TRAF3: variants seen among roughly 807,000 people sequenced by gnomAD.
TRAF3 encodes the protein TNF receptor associated factor 3, also known as TNF receptor-associated factor 3.
In TRAF3, 13 loss-of-function variants were observed where a neutral mutation model predicts 62.3. The observed-to-expected ratio is 0.21, with a 90% CI of 0.14 to 0.33. The LOEUF is 0.33. TRAF3 is among the 10% of genes least tolerant of loss of function. The pLI is 1.00. For missense variants in TRAF3, 440 were observed against 741.8 expected (o/e 0.59, Z 4.73); for synonymous variants, 269 against 283.4 (o/e 0.95, Z 0.51).
chr14:102,875,784 A>AT, intron 5 of TRAF3, 56 bp downstream of exon 5: 2 of 1,457,920 alleles, frequency 1.4e-6, no homozygotes. Context: ...AGTCCCTTAC[A>AT]TCCAGCTGAT....
Position 102,903,902 on chromosome 14 carries a change from T to C in TRAF3, c.1135+473T>C. On this transcript the variant is annotated intron_variant, in intron 11 of 11. Transcript: ENST00000392745. The surrounding 1 kb of genome is among the most constrained non-coding windows in gnomAD (Gnocchi z 6.4). ...TTGGGGACTGAAAGAGTATTGGGAA[T>C]ATTTACATGAGGAGGATTAATGGCA... 1 of 415,722 alleles carries C rather than the reference T, an allele frequency of 2.4e-6. No homozygotes were observed. The highest frequency in any genetic ancestry group is 1.7e-5 in the South Asian group (1 of 59,060). 25.8% of individuals were successfully genotyped at this position (415,722 alleles called of 1,614,324 possible). A position where few individuals can be genotyped will look rare whatever the true frequency, so the allele number is the denominator to read the frequency against.
At chr14:102,786,453 C>T (rs1013103971) in intron 1 of TRAF3, among the ~76,000 whole-genome samples, 1 of 152,128 alleles carries the variant, frequency 6.6e-6, no homozygotes, top group Non-Finnish European at 1.5e-5. Flanking sequence ...ATTGGGAAGC[C>T]GAGGTGGGTG....
intron 1 of TRAF3, among the ~76,000 whole-genome samples, chr14:102,827,813 G>C (rs1199314284): frequency 6.6e-6 from 1 of 152,230 alleles, no homozygotes. Flanking sequence ...CAAGTGCTCT[G>C]ACCACGTAAT....
intron 2 of TRAF3, among the ~76,000 whole-genome samples, chr14:102,863,888 A>G (rs1461415455): frequency 6.6e-6 from 1 of 152,134 alleles, no homozygotes; most frequent in Non-Finnish European, 1.5e-5. Context: ...GGTCGAAACA[A>G]ACAACTGCAG....
chr14:102,850,373 G>C (rs905286349), intron 2 of TRAF3, among the ~76,000 whole-genome samples: 2 of 152,134 alleles, frequency 1.3e-5, no homozygotes, highest in African/African-American at 2.4e-5. Flanking sequence ...AAGTAATAGA[G>C]TAAAAATTCT....
At chr14:102,787,502 C>A (rs1362306012) in intron 1 of TRAF3, among the ~76,000 whole-genome samples, 5 of 151,020 alleles carry the variant, frequency 3.3e-5, no homozygotes, top group Non-Finnish European at 7.4e-5. Flanking sequence ...CATGGTAAAA[C>A]CCCATCTCTA....
chr14:102,788,752 C>A (rs1000163852), intron 1 of TRAF3, among the ~76,000 whole-genome samples: 2 of 152,088 alleles, frequency 1.3e-5, no homozygotes, highest in Admixed American at 1.3e-4. Flanking sequence ...GAGCTGAGAT[C>A]ACGCCACTGC....
chr14:102,812,185 T>C (rs1899223095), intron 1 of TRAF3, among the ~76,000 whole-genome samples: 1 of 152,102 alleles, frequency 6.6e-6, no homozygotes, highest in Non-Finnish European at 1.5e-5. Flanking sequence ...TCTAGTATCC[T>C]GTGTTTACTT....
At chr14:102,830,591 T>C (rs565325241) in intron 2 of TRAF3, 119 bp downstream of exon 2, 1 of 152,236 alleles carries the variant, frequency 6.6e-6, no homozygotes, top group South Asian at 2.1e-4. Flanking sequence ...AAAATTCTTG[T>C]CTTCCCTTCT....
intron 1 of TRAF3, among the ~76,000 whole-genome samples, chr14:102,820,028 C>T (rs1040301751): frequency 6.6e-6 from 1 of 152,190 alleles, no homozygotes; most frequent in Non-Finnish European, 1.5e-5. Context: ...CCTGCCCTCC[C>T]GTGTAGGGGG....
At chr14:102,867,428 G>A (rs1279755143) in intron 2 of TRAF3, among the ~76,000 whole-genome samples, 4 of 152,148 alleles carry the variant, frequency 2.6e-5, no homozygotes, top group Admixed American at 6.5e-5. Context: ...GACGCATCCT[G>A]GAGAAACTTA....
chr14:102,841,022 T>G (rs1462394274), intron 2 of TRAF3, among the ~76,000 whole-genome samples: 1 of 152,220 alleles, frequency 6.6e-6, no homozygotes. Flanking sequence ...CTGTGCCTGC[T>G]TTCATCCTAA....
intron 6 of TRAF3, among the ~76,000 whole-genome samples, chr14:102,880,507 G>T (rs1333266488): frequency 1.3e-5 from 2 of 152,238 alleles, no homozygotes; most frequent in Admixed American, 6.5e-5. Flanking sequence ...TACACTGTTG[G>T]TGGGAGTGTA....
intron 2 of TRAF3, among the ~76,000 whole-genome samples, chr14:102,844,622 G>A (rs567488908): frequency 6.6e-6 from 1 of 152,330 alleles, no homozygotes; most frequent in South Asian, 2.1e-4. Context: ...AAGGATCAGG[G>A]TGCAGGAACC....
chr14:102,795,619 T>TGTGTGTGTGC lies in TRAF3; in HGVS notation c.-157+17945_-157+17946insTGTGTGTGCG, dbSNP rs767401587. ...ATATATGTGTGTGTGTGTGTGTGTG[T>TGTGTGTGTGC]GCATAGTTTTCATCCATTGTTTCTG... is the stretch of plus-strand genomic sequence containing the variant. On this transcript the variant is annotated intron_variant, in intron 1 of 11. Coordinates refer to ENST00000392745, the MANE Select transcript of TRAF3 (RefSeq NM_145725.3). 7.2e-3 allele frequency among the ~76,000 whole-genome samples: 1,095 copies of TGTGTGTGTGC among 151,942 alleles called. 6 individuals carry two copies. Among genetic ancestry groups the TGTGTGTGTGC allele is most frequent in the Non-Finnish European group, 0.01 (687 of 67,962 alleles).
chr14:102,898,713 A>C (rs1890125964), intron 10 of TRAF3, among the ~76,000 whole-genome samples: 1 of 152,242 alleles, frequency 6.6e-6, no homozygotes. Flanking sequence ...GCCCCATCCC[A>C]AACCTCACAT....
chr14:102,879,479 A>G (rs1461236590), intron 6 of TRAF3, among the ~76,000 whole-genome samples: 1 of 151,890 alleles, frequency 6.6e-6, no homozygotes, highest in Non-Finnish European at 1.5e-5. Context: ...TCTGGTCTCA[A>G]AACTCCTGGG....
intron 2 of TRAF3, among the ~76,000 whole-genome samples, chr14:102,851,052 G>A (rs550480785): frequency 1.3e-5 from 2 of 152,282 alleles, no homozygotes; most frequent in African/African-American, 4.8e-5. Context: ...CCTGCAAGCT[G>A]CTCCCCCAAA....
At chr14:102,834,732 A>G (rs1885884677) in intron 2 of TRAF3, among the ~76,000 whole-genome samples, 1 of 151,250 alleles carries the variant, frequency 6.6e-6, no homozygotes, top group South Asian at 2.1e-4. Flanking sequence ...TCCCTACACC[A>G]TGCACAAAAA....
Sources: gnomAD v4.1 joint callset for allele counts (sites outside exome capture counted in the v4.1 genomes callset) on GRCh38, gnomAD v4.1.1 for gene constraint, Gnocchi (gnomAD v3.1) non-coding constraint, MANE v1.5 for transcripts, NCBI Gene and HGNC (gene_info 2026-07-23, HGNC 2026-07-21) for gene names.